The following STK3 variants were observed in gnomAD, a reference collection of about 807,000 sequenced individuals.
STK3 encodes serine/threonine kinase 3, also known as serine/threonine-protein kinase 3.
In STK3, 41 loss-of-function variants were observed where a neutral mutation model predicts 58.0. The observed-to-expected ratio is 0.71, with a 90% confidence interval of 0.55 to 0.92. STK3 has a LOEUF of 0.92. Among genes scored for constraint, STK3 ranks in the 40% least tolerant of loss-of-function variants. The pLI is 0.00. For synonymous variants in STK3, 170 were observed against 191.0 expected, an observed-to-expected ratio of 0.89 and a Z score of 0.91; for missense variants, 479 against 602.7, an observed-to-expected ratio of 0.79 and a Z score of 2.15.
chr8:98,388,577 A>T (rs996352230), upstream of STK3, among the ~76,000 whole-genome samples: 1 of 152,238 alleles, frequency 6.6e-6, no homozygotes, highest in African/African-American at 2.4e-5. Flanking sequence ...AATACAAGAG[A>T]TAAAAGAATA....
At chr8:98,506,283 G>C (rs776415757) in intron 10 of STK3, among the ~76,000 whole-genome samples, 1 of 152,186 alleles carries the variant, frequency 6.6e-6, no homozygotes, top group African/African-American at 2.4e-5. Flanking sequence ...GAGGCATCCC[G>C]TTTTTCCAGG....
At chr8:98,361,101 G>T in the STK3 span, among the ~76,000 whole-genome samples, 1 of 152,066 alleles carries the variant, frequency 6.6e-6, no homozygotes, top group Non-Finnish European at 1.5e-5. Context: ...TATAAACTAA[G>T]GTATTAGATT....
intron 9 of STK3, among the ~76,000 whole-genome samples, chr8:98,541,367 C>T (rs759093179): frequency 2.0e-4 from 30 of 152,166 alleles, no homozygotes; most frequent in Non-Finnish European, 2.8e-4. Flanking sequence ...TAGCCCCACC[C>T]GCTTTGCTCT....
At chr8:98,694,435 G>T (rs1824681394) in intron 6 of STK3, among the ~76,000 whole-genome samples, 1 of 151,918 alleles carries the variant, frequency 6.6e-6, no homozygotes, top group Non-Finnish European at 1.5e-5. Context: ...GTGCCATGCG[G>T]GTGTGCTGCA....
At chr8:98,905,800 G>A (rs1838874454) in intron 1 of STK3, 3 of 378,558 alleles carry the variant, frequency 7.9e-6, no homozygotes, top group Non-Finnish European at 1.5e-5. Context: ...ATTGAGCAAC[G>A]AACGATTCAC....
At chr8:98,711,285 G>A (rs1005762833) in intron 4 of STK3, among the ~76,000 whole-genome samples, 1 of 152,200 alleles carries the variant, frequency 6.6e-6, no homozygotes, top group Non-Finnish European at 1.5e-5. Flanking sequence ...GCTAGACAGA[G>A]AGTGACTTTG....
At chr8:98,844,195 G>A (rs1018567463) in intron 3 of STK3, among the ~76,000 whole-genome samples, 3 of 152,136 alleles carry the variant, frequency 2.0e-5, no homozygotes, top group Admixed American at 6.5e-5. Flanking sequence ...GTAAAAAATT[G>A]TGAGCCACTA....
intron 1 of STK3, among the ~76,000 whole-genome samples, chr8:98,887,753 A>G (rs1838044735): frequency 6.6e-6 from 1 of 152,202 alleles, no homozygotes. Flanking sequence ...AGTAGTAGAG[A>G]TGACCCCAGA....
chr8:98,397,826 C>T (rs972471609), downstream of STK3, among the ~76,000 whole-genome samples: 6 of 152,058 alleles, frequency 3.9e-5, no homozygotes, highest in Admixed American at 6.6e-5. Flanking sequence ...GGCAGTTGCC[C>T]GCTTGTTCTC....
intron 1 of STK3, among the ~76,000 whole-genome samples, chr8:98,941,946 G>A (rs1840449062): frequency 1.3e-5 from 2 of 152,340 alleles, no homozygotes; most frequent in South Asian, 2.1e-4. Context: ...GAATGGAACG[G>A]CTCCGCGGAG....
chr8:98,796,482 G>T (rs1833172070), intron 1 of STK3, among the ~76,000 whole-genome samples: 1 of 152,056 alleles, frequency 6.6e-6, no homozygotes, highest in African/African-American at 2.4e-5. Context: ...ATAGATTAAA[G>T]ATTTAAACAG....
chr8:98,696,939 T>C (rs1348994919), intron 6 of STK3, among the ~76,000 whole-genome samples: 1 of 152,140 alleles, frequency 6.6e-6, no homozygotes, highest in East Asian at 1.9e-4. Context: ...ATGGTACCAA[T>C]TCCTCCTTGT....
chr8:98,529,286 G>GT (rs1030909057), intron 9 of STK3, among the ~76,000 whole-genome samples: 35 of 137,052 alleles, frequency 2.6e-4, no homozygotes, highest in African/African-American at 6.2e-4. Flanking sequence ...AAAAACAAAA[G>GT]GGGGGGGGAC....
At chr8:98,559,723 A>T (rs188336026) in intron 8 of STK3, among the ~76,000 whole-genome samples, 1 of 152,260 alleles carries the variant, frequency 6.6e-6, no homozygotes, top group East Asian at 1.9e-4. Context: ...TTACACAGAA[A>T]TACGCCTTGG....
chr8:98,905,195 C>T, intron 1 of STK3: 1 of 1,010,610 alleles, frequency 9.9e-7, no homozygotes, highest in Non-Finnish European at 1.6e-6. Context: ...ACTGGTCTCC[C>T]ATTCCAGGGG....
At chr8:98,588,093 T>C (rs1185664397) in intron 7 of STK3, among the ~76,000 whole-genome samples, 1 of 152,180 alleles carries the variant, frequency 6.6e-6, no homozygotes, top group Non-Finnish European at 1.5e-5. Context: ...ATTTGGTCCA[T>C]TTACATTTAA....
At chr8:98,826,189 TC>T (rs982704297), upstream of STK3, among the ~76,000 whole-genome samples, 5 of 152,222 alleles carry the variant, frequency 3.3e-5, no homozygotes, top group African/African-American at 1.2e-4. Flanking sequence ...TTGACTCATT[TC>T]TTTGGCTTTC....
At chr8:98,483,272 C>G (rs1297476160) in intron 10 of STK3, among the ~76,000 whole-genome samples, 1 of 152,186 alleles carries the variant, frequency 6.6e-6, no homozygotes, top group Non-Finnish European at 1.5e-5. Flanking sequence ...TAATATAACA[C>G]ACATAAATAA....
At chr8:98,369,061 C>A (rs982987978), downstream of STK3, among the ~76,000 whole-genome samples, 10 of 152,204 alleles carry the variant, frequency 6.6e-5, no homozygotes, top group Admixed American at 2.6e-4. Context: ...CCCTTGATTG[C>A]CAAATATCCT....
Sources: gnomAD v4.1 joint callset for allele counts (sites outside exome capture counted in the v4.1 genomes callset) on GRCh38, gnomAD v4.1.1 for gene constraint, MANE v1.5 for transcripts, NCBI Gene and HGNC (gene_info 2026-07-23, HGNC 2026-07-21) for gene names.